The following FBXO3 variants were observed in gnomAD, a reference collection of about 807,000 sequenced individuals.
FBXO3 encodes F-box only protein 3.
FBXO3 carries 17 observed loss-of-function variants against 64.8 expected under a neutral mutation model. The ratio of observed to expected loss-of-function variants is 0.26; its 90% CI spans 0.18 to 0.39. The LOEUF (loss-of-function observed/expected upper bound fraction) is 0.39. FBXO3 is among the 10% of genes least tolerant of loss of function. The pLI is 1.00. For synonymous variants in FBXO3, 182 were observed against 201.6 expected (o/e 0.90, Z 0.82); for missense variants, 420 against 589.9 (o/e 0.71, Z 2.98).
chr11:33,754,212 A>G (rs1052049210), intron 6 of FBXO3: 18 of 384,066 alleles, frequency 4.7e-5, no homozygotes, highest in Non-Finnish European at 8.3e-5. Context: ...ATTGCCTTAT[A>G]GAAGAGTCCT....
At chr11:33,770,660 G>A in intron 2 of FBXO3, 81 bp downstream of exon 2, 1 of 1,018,008 alleles carries the variant, frequency 9.8e-7, no homozygotes, top group Non-Finnish European at 1.5e-6. Flanking sequence ...ACAAGGGTTA[G>A]AGAGGAGAAT....
In FBXO3 at chr11:33,769,294, G is replaced by A. The variant is rs147053838; in HGVS notation, c.195-280C>T. ...TTAATAAAATATGAATAGTAATAAC[G>A]TATAAATTTCAACTTATTCTTAAAA... is the stretch of plus-strand genomic sequence containing the variant. On this transcript the variant is annotated intron_variant, in intron 2 of 10. Transcript: ENST00000265651. Among the ~76,000 whole-genome samples the A allele has an allele frequency of 9.5e-4, 144 of 151,664 alleles. 1 individual carries two copies. The highest frequency in any genetic ancestry group is 6.9e-3 in the Admixed American group (105 of 15,236).
chr11:33,764,308 C>T (rs919161338), intron 3 of FBXO3, among the ~76,000 whole-genome samples: 1 of 152,162 alleles, frequency 6.6e-6, no homozygotes, highest in African/African-American at 2.4e-5. Context: ...ATAGCATTAA[C>T]AATCACAATA....
chr11:33,745,029 A>G (rs1854780573), intron 10 of FBXO3: 3 of 152,168 alleles, frequency 2.0e-5, no homozygotes, highest in Non-Finnish European at 4.4e-5. Flanking sequence ...AGTCGACCCA[A>G]TAGTAACTCA....
Position 33,774,474 on chromosome 11 carries a change from C to T in FBXO3, c.24G>A (p.Thr8=). MAAMETE[T]APLTLESLPT... ...GCAGCGACTCTAGGGTCAGCGGCGC[C>T]GTCTCGGTCTCCATGGCCGCCATCT... is the stretch of plus-strand genomic sequence containing the variant. Residue 8 remains threonine, a synonymous_variant, in exon 1 of 11, where the codon ACG becomes ACA. Coordinates refer to ENST00000265651, the MANE Select transcript of FBXO3 (RefSeq NM_012175.4). 1 of 1,583,768 alleles carries T rather than the reference C, an allele frequency of 6.3e-7. No individual in the cohort carries two copies. The highest frequency in any genetic ancestry group is 8.6e-7 in the Non-Finnish European group (1 of 1,165,824).
At chr11:33,771,504 C>T (rs772697282) in intron 1 of FBXO3, 2 of 152,302 alleles carry the variant, frequency 1.3e-5, no homozygotes, top group Non-Finnish European at 2.9e-5. Context: ...AAATTCTACC[C>T]TACATAATTA....
chr11:33,770,293 G>A (rs1295935333), intron 2 of FBXO3, among the ~76,000 whole-genome samples: 1 of 152,162 alleles, frequency 6.6e-6, no homozygotes, highest in Admixed American at 6.6e-5. Context: ...CTTAATCTAA[G>A]AAAAGATATC....
intron 10 of FBXO3, chr11:33,746,120 T>G (rs1303598696): frequency 6.6e-6 from 1 of 152,310 alleles, no homozygotes; most frequent in Non-Finnish European, 1.5e-5. Context: ...ATTTCAAAAT[T>G]TTCCCACAAA....
chr11:33,771,147 G>A, intron 1 of FBXO3: 1 of 184,088 alleles, frequency 5.4e-6, no homozygotes, highest in Non-Finnish European at 1.1e-5. Flanking sequence ...CTTATTATCA[G>A]GACAATACTC....
intron 5 of FBXO3, among the ~76,000 whole-genome samples, chr11:33,754,722 G>A (rs1209787884): frequency 6.6e-6 from 1 of 152,082 alleles, no homozygotes; most frequent in Non-Finnish European, 1.5e-5. Flanking sequence ...GAGAGACCAA[G>A]CTACCATCCT....
intron 6 of FBXO3, among the ~76,000 whole-genome samples, chr11:33,752,357 T>G (rs1370270176): frequency 6.6e-6 from 1 of 152,228 alleles, no homozygotes; most frequent in Non-Finnish European, 1.5e-5. Context: ...TATTTACTGT[T>G]AATACATCTC....
In FBXO3 at chr11:33,743,071, A is replaced by C. The variant is rs1479683176; in HGVS notation, c.1240-987T>G. ...GATGTCTCTACATGGTCTCTTCTGC[A>C]TGACGGCTTCATGGTAGCTGGACTT... On this transcript the variant is annotated intron_variant, in intron 10 of 10. Coordinates refer to ENST00000265651, the MANE Select transcript of FBXO3 (RefSeq NM_012175.4). This position sits in a 1 kb window ranked among gnomAD's most constrained non-coding sequence, Gnocchi z 4.6. 1 of 152,248 alleles carries C rather than the reference A, an allele frequency of 6.6e-6. No homozygotes were observed. Among genetic ancestry groups the C allele is most frequent in the Non-Finnish European group, 1.5e-5 (1 of 68,098 alleles). The allele number at this position is 152,248 out of a possible 1,614,324, so 9.4% of individuals were successfully genotyped here. A position where few individuals can be genotyped will look rare whatever the true frequency, so the allele number is the denominator to read the frequency against.
chr11:33,771,637 T>A (rs1855513596), intron 1 of FBXO3: 1 of 152,208 alleles, frequency 6.6e-6, no homozygotes, highest in Admixed American at 6.5e-5. Flanking sequence ...AACAGAATCT[T>A]AAATCACATC....
chr11:33,759,205 T>C lies in FBXO3; in HGVS notation c.359-604A>G, dbSNP rs368288269. Among the ~76,000 whole-genome samples the C allele has an allele frequency of 3.3e-4, 50 of 152,268 alleles. No homozygotes were observed. In the South Asian group the frequency reaches 5.8e-3, roughly 18 times the overall value. On this transcript the variant is annotated intron_variant, in intron 3 of 10. Transcript: ENST00000265651. ...TTGCTGAATAGTGAAAACAAAAAATTGGCTTGAAGACTTTCGAAGAGTCAC... is the reference window on the plus strand; with the variant it reads ...TTGCTGAATAGTGAAAACAAAAAATCGGCTTGAAGACTTTCGAAGAGTCAC...
intron 3 of FBXO3, among the ~76,000 whole-genome samples, chr11:33,763,480 C>CA (rs1467702324): frequency 6.6e-6 from 1 of 151,968 alleles, no homozygotes; most frequent in Non-Finnish European, 1.5e-5. Context: ...CATTTCACTG[C>CA]ATTAACAGAG....
chr11:33,769,997 A>G lies in FBXO3; in HGVS notation c.194+744T>C, dbSNP rs189126111. The stretch of plus-strand genomic sequence containing the variant: ...AAACTATTCTCCTGTTTTAAGTCCA[A>G]CTCCTCAAAGGAAATCTTAGGTATT... On this transcript the variant is annotated intron_variant, in intron 2 of 10. Transcript: ENST00000265651. Among the ~76,000 whole-genome samples the G allele has an allele frequency of 3.4e-3, 522 of 152,190 alleles. 2 individuals carry two copies. The highest frequency in any genetic ancestry group is 0.012 in the African/African-American group (496 of 41,514).
chr11:33,768,861 T>C lies in FBXO3; in HGVS notation c.348A>G (p.Leu116=), dbSNP rs1373386769. ...YLEPRCPRMV[L]SLKEGAREED... Reference sequence around the variant, plus strand: ...CTGAATTCCCAGTACCTTTCAGAGATAAAACCATCCGAGGACACCTGGGCT... The same window carrying C: ...CTGAATTCCCAGTACCTTTCAGAGACAAAACCATCCGAGGACACCTGGGCT... The change falls in exon 3 of 11, where the codon TTA becomes TTG. Residue 116 remains leucine, a synonymous_variant. Transcript: ENST00000265651. 6.2e-7 allele frequency: 1 copy of C among 1,613,836 alleles called. No homozygotes were observed. The highest frequency in any genetic ancestry group is 1.3e-5 in the African/African-American group (1 of 74,902).
intron 3 of FBXO3, chr11:33,763,263 C>T: frequency 4.5e-6 from 2 of 448,764 alleles, no homozygotes; most frequent in Middle Eastern, 6.6e-4. Flanking sequence ...TTTTATAAGG[C>T]CAGCATCATC....
intron 10 of FBXO3, chr11:33,745,577 A>T (rs1319966213): frequency 6.6e-6 from 1 of 152,190 alleles, no homozygotes; most frequent in Non-Finnish European, 1.5e-5. Context: ...CATTTCTAGA[A>T]AAGTCATAGA....
Sources: allele counts gnomAD v4.1 joint callset (sites outside exome capture counted in the v4.1 genomes callset), GRCh38; gene constraint gnomAD v4.1.1; non-coding constraint Gnocchi (gnomAD v3.1); transcripts MANE v1.5; gene names NCBI Gene and HGNC (gene_info 2026-07-23, HGNC 2026-07-21).